The following RHOBTB1 variants were observed in gnomAD, a reference collection of about 807,000 sequenced individuals.
RHOBTB1 encodes Rho related BTB domain containing 1, also known as rho-related BTB domain-containing protein 1.
RHOBTB1 carries 40 observed loss-of-function variants against 71.6 expected under a neutral mutation model. That is an observed-to-expected ratio of 0.56 (90% CI 0.43 to 0.73). The LOEUF is 0.73. RHOBTB1 is among the 30% of genes least tolerant of loss of function. The pLI is 0.00. For synonymous variants in RHOBTB1, 319 were observed against 334.9 expected, an observed-to-expected ratio of 0.95 and a Z score of 0.52; for missense variants, 797 against 894.0, an observed-to-expected ratio of 0.89 and a Z score of 1.38.
At position 60,870,940 on chromosome 10, in the gene RHOBTB1, T is replaced by C. The variant is rs2080750315; in HGVS notation, c.*542A>G. 1 of 152,656 alleles carries C rather than the reference T, an allele frequency of 6.6e-6. No individual in the cohort carries two copies. Among genetic ancestry groups the C allele is most frequent in the African/African-American group, 2.4e-5 (1 of 41,436 alleles). 9.5% of individuals were successfully genotyped at this position (152,656 alleles called of 1,614,324 possible). On this transcript the variant is annotated 3_prime_UTR_variant, in exon 11 of 11. Transcript: ENST00000337910. ...TCAACAGAACAAAGATTAAACACTC[T>C]CCAATTTGCACTTTGGGAGATTTCA...
upstream of RHOBTB1, among the ~76,000 whole-genome samples, chr10:60,945,651 G>A (rs893404050): frequency 1.3e-5 from 2 of 152,102 alleles, no homozygotes; most frequent in African/African-American, 4.8e-5. Context: ...AGGCTTGCCT[G>A]GTGCTCTCTA....
chr10:60,881,367 C>T (rs568598789), intron 7 of RHOBTB1, among the ~76,000 whole-genome samples: 4 of 152,050 alleles, frequency 2.6e-5, no homozygotes, highest in Non-Finnish European at 5.9e-5. Context: ...AAATTTGAAC[C>T]ATTTTAATAG....
chr10:60,928,581 T>C (rs1342160196), intron 2 of RHOBTB1, among the ~76,000 whole-genome samples: 2 of 151,740 alleles, frequency 1.3e-5, no homozygotes, highest in Non-Finnish European at 2.9e-5. Context: ...TTTGAGCTCA[T>C]GGAAGTAGAG....
intron 2 of RHOBTB1, among the ~76,000 whole-genome samples, chr10:60,916,741 T>C (rs1385948837): frequency 1.3e-5 from 2 of 152,204 alleles, no homozygotes; most frequent in Non-Finnish European, 2.9e-5. Flanking sequence ...GCGGAACTTG[T>C]GAATATGTTC....
In RHOBTB1 at chr10:60,888,199, G is replaced by A. The variant is rs745382566; in HGVS notation, c.1456+13C>T. 17 of 1,606,098 alleles carry A rather than the reference G, an allele frequency of 1.1e-5. No individual in the cohort carries two copies. The highest frequency in any genetic ancestry group is 8.9e-5 in the East Asian group (4 of 44,762). On this transcript the variant is annotated intron_variant, in intron 6 of 10. Transcript: ENST00000337910. ...TCAAAGGTATTAATGGCTCTGCCCC[G>A]CGGCCCACTCACCCGAGAACGTTCC...
intron 2 of RHOBTB1, among the ~76,000 whole-genome samples, chr10:60,967,534 C>T (rs1040059072): frequency 6.6e-6 from 1 of 151,882 alleles, no homozygotes; most frequent in African/African-American, 2.4e-5. Flanking sequence ...GATGGCAATC[C>T]TGATGGATGA....
At chr10:60,917,301 A>AAACATTAT (rs1194049891) in intron 2 of RHOBTB1, among the ~76,000 whole-genome samples, 2 of 152,082 alleles carry the variant, frequency 1.3e-5, no homozygotes, top group Non-Finnish European at 2.9e-5. Flanking sequence ...TCATTCTTTA[A>AAACATTAT]AACCTTATTC....
chr10:61,001,028 AC>A (rs1481849140), intron 1 of RHOBTB1, among the ~76,000 whole-genome samples: 1 of 149,888 alleles, frequency 6.7e-6, no homozygotes, highest in African/African-American at 2.5e-5. Flanking sequence ...CCCTCTGGCC[AC>A]CCCCGCCTCC....
intron 2 of RHOBTB1, among the ~76,000 whole-genome samples, chr10:60,967,510 G>C (rs940600209): frequency 3.9e-5 from 6 of 152,012 alleles, no homozygotes; most frequent in African/African-American, 1.4e-4. Flanking sequence ...AAAACAGACC[G>C]GCAGCTGAGA....
intron 4 of RHOBTB1, among the ~76,000 whole-genome samples, chr10:60,893,975 T>C (rs2082044664): frequency 6.6e-6 from 1 of 152,208 alleles, no homozygotes; most frequent in African/African-American, 2.4e-5. Context: ...CGCCCAAGGA[T>C]TCAAGACTAT....
At position 60,872,266 on chromosome 10, in the gene RHOBTB1, C is replaced by A. The variant is rs138580713; in HGVS notation, c.1840G>T (p.Ala614Ser). The A allele has an allele frequency of 7.4e-5, 119 of 1,613,784 alleles. No individual in the cohort carries two copies. The African/African-American group carries it at 1.5e-3, about 20-fold the overall frequency. ...AQFHNAHQLA[A>S]WCLHHICTNY... Reference sequence around the variant, plus strand: ...GTGCAGATGTGGTGCAAACACCAGGCGGCCAACTGGTGGGCATTGTGAAAC... The same window carrying A: ...GTGCAGATGTGGTGCAAACACCAGGAGGCCAACTGGTGGGCATTGTGAAAC... Residue 614 changes from alanine (A) to serine (S), a missense_variant, in exon 10 of 11, where the codon GCC becomes TCC. Around this residue, in one of 2 missense-constraint regions of RHOBTB1, gnomAD observed 658 missense variants for 681.5 expected, o/e 0.97. Transcript: ENST00000337910.
intron 7 of RHOBTB1, among the ~76,000 whole-genome samples, chr10:60,881,772 C>G (rs1323618740): frequency 6.6e-6 from 1 of 152,130 alleles, no homozygotes; most frequent in Non-Finnish European, 1.5e-5. Flanking sequence ...AAATGAACAT[C>G]CTAAATAAAA....
intron 1 of RHOBTB1, among the ~76,000 whole-genome samples, chr10:60,998,903 TC>T (rs1315366652): frequency 6.6e-6 from 1 of 152,242 alleles, no homozygotes; most frequent in Non-Finnish European, 1.5e-5. Flanking sequence ...GTGGTTCAAA[TC>T]CTGGCTTTTC....
intron 2 of RHOBTB1, among the ~76,000 whole-genome samples, chr10:60,969,437 AG>A (rs1402471115): frequency 6.6e-5 from 10 of 152,254 alleles, no homozygotes; most frequent in South Asian, 2.1e-4. Context: ...GAGTATGTTC[AG>A]GGGAAAGTGA....
chr10:60,899,086 A>G (rs1469699835), intron 4 of RHOBTB1, among the ~76,000 whole-genome samples: 1 of 152,198 alleles, frequency 6.6e-6, no homozygotes, highest in Non-Finnish European at 1.5e-5. Context: ...AAATCAGGCC[A>G]TTTTCCACTC....
At chr10:60,936,297 A>G (rs1478828225) in intron 2 of RHOBTB1, among the ~76,000 whole-genome samples, 1 of 152,246 alleles carries the variant, frequency 6.6e-6, no homozygotes, top group Non-Finnish European at 1.5e-5. Flanking sequence ...GCAAAAAACA[A>G]CAAAGGCATT....
chr10:60,888,941 T>G lies in RHOBTB1; in HGVS notation c.727A>C (p.Ile243Leu). The change falls in exon 6 of 11, where the codon ATC (isoleucine) becomes CTC (leucine). Residue 243 changes from isoleucine (I) to leucine (L), a missense_variant. By Grantham distance (5) the Ile-to-Leu change is conservative. Coordinates refer to ENST00000337910, the MANE Select transcript of RHOBTB1 (RefSeq NM_014836.5). The stretch of plus-strand genomic sequence containing the variant: ...ATGGAAGGACACTCTGGAATTTTGA[T>G]GACCGGTGGAGGGGCTTTTGGAGGT... Reference protein sequence around the residue: ...FLPPKAPPPVIKIPECPSMGT... With the variant: ...FLPPKAPPPVLKIPECPSMGT... 6.2e-7 allele frequency: 1 copy of G among 1,614,176 alleles called. No homozygotes were observed. The highest frequency in any genetic ancestry group is 8.5e-7 in the Non-Finnish European group (1 of 1,180,016).
chr10:60,888,173 A>G, intron 6 of RHOBTB1, 39 bp downstream of exon 6: 1 of 1,578,568 alleles, frequency 6.3e-7, no homozygotes, highest in Non-Finnish European at 8.6e-7. Flanking sequence ...ATGAAACACA[A>G]TCAAAGGTAT....
intron 1 of RHOBTB1, among the ~76,000 whole-genome samples, chr10:60,988,858 A>T (rs1432277599): frequency 6.6e-6 from 1 of 152,268 alleles, no homozygotes; most frequent in East Asian, 1.9e-4. Context: ...TCTACAAACC[A>T]AGGATCCTTA....
Sources: gnomAD v4.1 joint callset for allele counts (sites outside exome capture counted in the v4.1 genomes callset) on GRCh38, gnomAD v4.1.1 for gene constraint, gnomAD v4.1.1 regional missense constraint, MANE v1.5 for transcripts, NCBI Gene and HGNC (gene_info 2026-07-23, HGNC 2026-07-21) for gene names.